ARHGAP26: variants seen among roughly 807,000 people sequenced by gnomAD.
The protein encoded by ARHGAP26 is rho GTPase-activating protein 26.
Under a neutral mutation model 104.8 loss-of-function variants are expected in ARHGAP26, and 38 were observed. The ratio of observed to expected loss-of-function variants is 0.36; its 90% CI spans 0.28 to 0.48. ARHGAP26 has a LOEUF of 0.48. Ranked by LOEUF, ARHGAP26 falls within the 20% of genes least tolerant of loss-of-function variation. The pLI, the probability that ARHGAP26 is intolerant of heterozygous loss-of-function variation, is 0.99. For synonymous variants in ARHGAP26, 341 were observed against 340.0 expected, an observed-to-expected ratio of 1.00 and a Z score of -0.03; for missense variants, 704 against 947.9, an observed-to-expected ratio of 0.74 and a Z score of 3.38.
At chr5:143,178,713 T>C (rs1272757475) in intron 20 of ARHGAP26, among the ~76,000 whole-genome samples, 1 of 152,180 alleles carries the variant, frequency 6.6e-6, no homozygotes, top group Non-Finnish European at 1.5e-5. Context: ...TTCCTCACGA[T>C]TGCCCCAGGA....
intron 1 of ARHGAP26, among the ~76,000 whole-genome samples, chr5:142,784,688 A>G (rs1334828707): frequency 1.3e-5 from 2 of 152,172 alleles, no homozygotes; most frequent in Non-Finnish European, 2.9e-5. Context: ...GGCAGAGACC[A>G]TGGACGATGT....
At position 143,148,003 on chromosome 5, in the gene ARHGAP26, C is replaced by T. The variant is rs144285952; in HGVS notation, c.1988+622C>T. On this transcript the variant is annotated intron_variant, in intron 20 of 22. Transcript: ENST00000645722. ...GCCCTCCACAGAAACTAGGTCTACT[C>T]TGCTAGGATCAGAAAGTTCTCCCTC... is the stretch of plus-strand genomic sequence containing the variant. Among the ~76,000 whole-genome samples the T allele has an allele frequency of 5.7e-3, 866 of 152,314 alleles. 7 individuals carry two copies. The highest frequency in any genetic ancestry group is 0.02 in the African/African-American group (831 of 41,568).
At chr5:143,141,021 T>C (rs3822384) in intron 19 of ARHGAP26, among the ~76,000 whole-genome samples, 26,132 of 152,242 alleles carry the variant, frequency 0.17, 2,843 homozygotes, top group African/African-American at 0.29. Flanking sequence ...CTTTCTCAGG[T>C]TGCCTTTGCA....
intron 5 of ARHGAP26, among the ~76,000 whole-genome samples, chr5:142,888,329 A>G (rs1327201594): frequency 6.6e-6 from 1 of 152,090 alleles, no homozygotes; most frequent in African/African-American, 2.4e-5. Flanking sequence ...CCTGCTGACC[A>G]TGTTATTTAG....
At chr5:142,969,100 T>A (rs934676768) in intron 11 of ARHGAP26, among the ~76,000 whole-genome samples, 3 of 151,814 alleles carry the variant, frequency 2.0e-5, no homozygotes, top group Non-Finnish European at 2.9e-5. Context: ...CTCAGCTCTT[T>A]TTATTATTAT....
In ARHGAP26 at chr5:142,922,356, T is replaced by C. The variant is rs143259264; in HGVS notation, c.1028+9063T>C. Reference sequence around the variant, plus strand: ...GATGGCAGTTTTGTGTATGTATTAGTAACTATTAGAAGGTCCAGTTGAAAA... The same window carrying C: ...GATGGCAGTTTTGTGTATGTATTAGCAACTATTAGAAGGTCCAGTTGAAAA... On this transcript the variant is annotated intron_variant, in intron 10 of 22. Coordinates refer to ENST00000645722, the MANE Select transcript of ARHGAP26 (RefSeq NM_001135608.3). Among the ~76,000 whole-genome samples the C allele has an allele frequency of 1.8e-4, 28 of 152,272 alleles. 2 individuals are homozygous for C. The East Asian group carries it at 5.4e-3, about 29-fold the overall frequency.
intron 18 of ARHGAP26, among the ~76,000 whole-genome samples, chr5:143,130,554 T>G (rs568927047): frequency 5.3e-5 from 8 of 152,340 alleles, no homozygotes. Flanking sequence ...TTCAGCAGGG[T>G]TGTTTGCACA....
chr5:143,050,444 G>A (rs572774890), intron 14 of ARHGAP26, among the ~76,000 whole-genome samples: 14 of 152,010 alleles, frequency 9.2e-5, no homozygotes, highest in Admixed American at 6.5e-4. Flanking sequence ...CGGAATTATA[G>A]TAGCATGCTT....
chr5:143,056,182 C>T (rs560704406), intron 16 of ARHGAP26, 96 bp downstream of exon 16: 41 of 1,028,900 alleles, frequency 4.0e-5, no homozygotes, highest in Non-Finnish European at 5.3e-5. Context: ...CCTAACCCTT[C>T]GTATTCTGCA....
rs115402280 is a variant in ARHGAP26 at position 142,865,156 on chromosome 5, G to T, written c.155-8244G>T. On this transcript the variant is annotated intron_variant, in intron 1 of 22. Coordinates refer to ENST00000645722, the MANE Select transcript of ARHGAP26 (RefSeq NM_001135608.3). ...TCTAAATACAGTACCTCAGTTCTCTGTGCCAGGGCTGAGCTGGGGCTGGGC... is the reference window on the plus strand; with the variant it reads ...TCTAAATACAGTACCTCAGTTCTCTTTGCCAGGGCTGAGCTGGGGCTGGGC... Among the ~76,000 whole-genome samples, 898 of 152,294 alleles carry T rather than the reference G, an allele frequency of 5.9e-3. 8 individuals are homozygous for T. The highest frequency in any genetic ancestry group is 0.014 in the Middle Eastern group (4 of 294).
At chr5:143,133,286 C>T (rs926527101) in intron 18 of ARHGAP26, among the ~76,000 whole-genome samples, 3 of 151,778 alleles carry the variant, frequency 2.0e-5, no homozygotes, top group South Asian at 2.1e-4. Flanking sequence ...GTGGTAAAAT[C>T]GGGATAATTT....
chr5:143,196,135 A>C (rs1806790543), intron 20 of ARHGAP26, among the ~76,000 whole-genome samples: 1 of 152,056 alleles, frequency 6.6e-6, no homozygotes. Context: ...TATTTAGCAA[A>C]CACCCCCTAA....
chr5:142,833,460 C>T (rs183314513), intron 1 of ARHGAP26, among the ~76,000 whole-genome samples: 126 of 152,074 alleles, frequency 8.3e-4, no homozygotes, highest in Non-Finnish European at 1.6e-3. Context: ...ATTTTCTTAC[C>T]TCTTAACTTT....
At chr5:142,926,963 T>G (rs536034798) in intron 10 of ARHGAP26, among the ~76,000 whole-genome samples, 21 of 152,288 alleles carry the variant, frequency 1.4e-4, no homozygotes, top group Non-Finnish European at 2.5e-4. Flanking sequence ...TGCCCTGAGG[T>G]GTAATCCTGG....
chr5:142,801,389 C>G (rs1427662697), intron 1 of ARHGAP26, among the ~76,000 whole-genome samples: 2 of 151,956 alleles, frequency 1.3e-5, no homozygotes, highest in African/African-American at 2.4e-5. Flanking sequence ...ATTCAGTCAT[C>G]AGAACTTTAT....
At chr5:142,801,340 G>A (rs757537038) in intron 1 of ARHGAP26, among the ~76,000 whole-genome samples, 2 of 152,026 alleles carry the variant, frequency 1.3e-5, no homozygotes, top group African/African-American at 4.8e-5. Context: ...AATTGATGAC[G>A]CCCTATGTGC....
chr5:143,030,144 A>G (rs1191857367), intron 12 of ARHGAP26, among the ~76,000 whole-genome samples: 1 of 152,182 alleles, frequency 6.6e-6, no homozygotes, highest in African/African-American at 2.4e-5. Flanking sequence ...TGAAGGTTGG[A>G]GTTGAGCAAC....
At chr5:142,890,062 G>A (rs1239955440) in intron 5 of ARHGAP26, among the ~76,000 whole-genome samples, 4 of 148,178 alleles carry the variant, frequency 2.7e-5, no homozygotes, top group Non-Finnish European at 6.0e-5. Flanking sequence ...CTTGAACCTG[G>A]GAGGCGGAGG....
At chr5:143,152,332 G>T (rs1799945547) in intron 20 of ARHGAP26, among the ~76,000 whole-genome samples, 1 of 152,186 alleles carries the variant, frequency 6.6e-6, no homozygotes, top group Non-Finnish European at 1.5e-5. Context: ...TAGAAATAGA[G>T]AGGGTATGTG....
Sources: allele counts gnomAD v4.1 joint callset (sites outside exome capture counted in the v4.1 genomes callset), GRCh38; gene constraint gnomAD v4.1.1; transcripts MANE v1.5; gene names NCBI Gene and HGNC (gene_info 2026-07-23, HGNC 2026-07-21).